Variants in GPC6 observed in about 807,000 individuals in gnomAD.
The protein encoded by GPC6 is glypican 6.
In GPC6, 14 loss-of-function variants were observed where a neutral mutation model predicts 55.2. The observed-to-expected ratio is 0.25, with a 90% CI of 0.17 to 0.40. The LOEUF (loss-of-function observed/expected upper bound fraction) is 0.40, where lower values mean the gene tolerates loss of function less well. GPC6 is among the 10% of genes least tolerant of loss of function. GPC6 has a pLI of 1.00. For missense variants in GPC6, 641 were observed against 708.5 expected (o/e 0.90, Z 1.08); for synonymous variants, 278 against 259.6 (o/e 1.07, Z -0.68).
At chr13:93,709,686 T>C (rs965348321) in intron 2 of GPC6, among the ~76,000 whole-genome samples, 7 of 151,762 alleles carry the variant, frequency 4.6e-5, no homozygotes, top group African/African-American at 1.7e-4. Flanking sequence ...TTCATCATTA[T>C]TGGAAAAAAT....
At chr13:93,740,321 A>G (rs1382734869) in intron 2 of GPC6, among the ~76,000 whole-genome samples, 1 of 152,242 alleles carries the variant, frequency 6.6e-6, no homozygotes, top group Non-Finnish European at 1.5e-5. Context: ...GTAATCACCT[A>G]AAGTAAACAT....
At position 93,393,281 on chromosome 13, in the gene GPC6, C is replaced by T. The variant is rs113719285; in HGVS notation, c.161-151982C>T. Reference sequence around the variant, plus strand: ...AGCCTCCTAAGTAGTTGGAATTACACGCGCCCACCACCACACCCAGCTAAT... The same window carrying T: ...AGCCTCCTAAGTAGTTGGAATTACATGCGCCCACCACCACACCCAGCTAAT... On this transcript the variant is annotated intron_variant, in intron 1 of 8. Transcript: ENST00000377047. Among the ~76,000 whole-genome samples the T allele has an allele frequency of 4.2e-3, 634 of 151,400 alleles. 6 individuals are homozygous for T. Among genetic ancestry groups the T allele is most frequent in the African/African-American group, 0.015 (600 of 41,242 alleles).
At chr13:94,161,965 CAT>C (rs1219122529) in intron 4 of GPC6, among the ~76,000 whole-genome samples, 1 of 152,090 alleles carries the variant, frequency 6.6e-6, no homozygotes, top group Admixed American at 6.6e-5. Flanking sequence ...GGAAACCACT[CAT>C]AAAACCGTCA....
intron 4 of GPC6, among the ~76,000 whole-genome samples, chr13:94,202,110 A>G (rs1235584898): frequency 1.3e-5 from 2 of 152,138 alleles, no homozygotes; most frequent in Non-Finnish European, 2.9e-5. Flanking sequence ...TTAATGTCCT[A>G]TCTTTACTCC....
intron 3 of GPC6, among the ~76,000 whole-genome samples, chr13:93,902,371 A>G (rs1446237258): frequency 6.6e-6 from 1 of 152,178 alleles, no homozygotes; most frequent in Non-Finnish European, 1.5e-5. Flanking sequence ...ACCTTTCTGT[A>G]GATAACAGGA....
rs1005473447 is a variant in GPC6, at chr13:94,406,423, T to C, written c.*3206T>C. 6.6e-6 allele frequency: 1 copy of C among 152,136 alleles called. No individual in the cohort carries two copies. Among genetic ancestry groups the C allele is most frequent in the Non-Finnish European group, 1.5e-5 (1 of 67,970 alleles). 9.4% of individuals were successfully genotyped at this position (152,136 alleles called of 1,614,324 possible). Reference sequence around the variant, plus strand: ...GAAGGCCAAGTTGGTACTTTGATTATAGCCATCGTAGAACATTAGCACTAG... The same window carrying C: ...GAAGGCCAAGTTGGTACTTTGATTACAGCCATCGTAGAACATTAGCACTAG... On this transcript the variant is annotated 3_prime_UTR_variant, in exon 9 of 9. Coordinates refer to ENST00000377047, the MANE Select transcript of GPC6 (RefSeq NM_005708.5).
the GPC6 span, among the ~76,000 whole-genome samples, chr13:93,220,475 A>G: frequency 3.3e-5 from 5 of 152,234 alleles, no homozygotes; most frequent in Admixed American, 6.5e-5. Flanking sequence ...ACGATCTTTT[A>G]TTAACTACAA....
At position 93,597,238 on chromosome 13, in the gene GPC6, C is replaced by T. The variant is rs182730872; in HGVS notation, c.319+51817C>T. Among the ~76,000 whole-genome samples the T allele has an allele frequency of 2.0e-5, 3 of 152,206 alleles. No individual in the cohort carries two copies. The East Asian group carries it at 5.8e-4, about 29-fold the overall frequency. Reference sequence around the variant, plus strand: ...AATAATGTTGGATCAAAGGCATAGGCACACTATGTCCTAATCAAGTTGACA... The same window carrying T: ...AATAATGTTGGATCAAAGGCATAGGTACACTATGTCCTAATCAAGTTGACA... On this transcript the variant is annotated intron_variant, in intron 2 of 8. Transcript: ENST00000377047.
intron 1 of GPC6, among the ~76,000 whole-genome samples, chr13:93,388,732 C>G (rs1875501328): frequency 6.6e-6 from 1 of 152,170 alleles, no homozygotes; most frequent in Non-Finnish European, 1.5e-5. Flanking sequence ...CACCATTGCT[C>G]TTATCAAAAC....
chr13:94,134,134 A>T (rs1205905805), intron 4 of GPC6, among the ~76,000 whole-genome samples: 4 of 152,208 alleles, frequency 2.6e-5, no homozygotes, highest in Non-Finnish European at 5.9e-5. Context: ...CATTATCATA[A>T]AGGCAGTGAC....
chr13:93,500,671 T>C (rs1880487699), intron 1 of GPC6, among the ~76,000 whole-genome samples: 3 of 152,222 alleles, frequency 2.0e-5, no homozygotes, highest in African/African-American at 7.2e-5. Context: ...TAAACAGCTC[T>C]GTTTAAATAT....
At chr13:93,632,124 A>G (rs1488754106) in intron 2 of GPC6, among the ~76,000 whole-genome samples, 1 of 152,216 alleles carries the variant, frequency 6.6e-6, no homozygotes, top group African/African-American at 2.4e-5. Context: ...GAAAGAAGGT[A>G]TTATAAAGTT....
intron 2 of GPC6, among the ~76,000 whole-genome samples, chr13:93,546,968 C>A (rs1158068715): frequency 8.1e-6 from 1 of 123,804 alleles, no homozygotes; most frequent in African/African-American, 2.5e-5. Context: ...TATTCTTTAA[C>A]AAAAAAATAT....
At chr13:93,589,713 T>A (rs1877373811) in intron 2 of GPC6, among the ~76,000 whole-genome samples, 1 of 152,214 alleles carries the variant, frequency 6.6e-6, no homozygotes, top group Non-Finnish European at 1.5e-5. Context: ...TTTGACCCTT[T>A]GATTAGTAAA....
chr13:93,409,703 T>TC (rs1201004174), intron 1 of GPC6, among the ~76,000 whole-genome samples: 4 of 152,228 alleles, frequency 2.6e-5, no homozygotes, highest in Non-Finnish European at 5.9e-5. Context: ...TTGAGCTTTT[T>TC]CTGTGTGTCA....
chr13:94,126,304 G>A (rs1193722242), intron 4 of GPC6, among the ~76,000 whole-genome samples: 1 of 152,154 alleles, frequency 6.6e-6, no homozygotes, highest in Admixed American at 6.6e-5. Context: ...AATCACTTGA[G>A]CTTAGGAGTT....
At chr13:93,253,063 A>C (rs1156770400) in intron 1 of GPC6, among the ~76,000 whole-genome samples, 1 of 152,202 alleles carries the variant, frequency 6.6e-6, no homozygotes, top group Non-Finnish European at 1.5e-5. Flanking sequence ...GCTCTGTTTT[A>C]TATAGGTATA....
At position 93,960,815 on chromosome 13, in the gene GPC6, CT is replaced by C. The variant is rs58063943; in HGVS notation, c.712-66899del. 8.5e-3 allele frequency among the ~76,000 whole-genome samples: 1,040 copies of C among 122,152 alleles called. 5 individuals are homozygous for C. The highest frequency in any genetic ancestry group is 0.012 in the Middle Eastern group (3 of 248). 80.1% of individuals were successfully genotyped at this position (122,152 alleles called of 152,430 possible). On this transcript the variant is annotated intron_variant, in intron 3 of 8. Coordinates refer to ENST00000377047, the MANE Select transcript of GPC6 (RefSeq NM_005708.5). ...TTATTGCTGGAATTTTTTTTTTTTT[CT>C]TTTTTTTTTTTTTTGAGACAGAGTC... is the stretch of plus-strand genomic sequence containing the variant.
intron 3 of GPC6, among the ~76,000 whole-genome samples, chr13:93,946,541 T>TA (rs2140368554): frequency 6.6e-6 from 1 of 152,352 alleles, no homozygotes; most frequent in East Asian, 1.9e-4. Context: ...ACAATTGGTA[T>TA]AAACAAGTGG....
Sources: gnomAD v4.1 joint callset for allele counts (sites outside exome capture counted in the v4.1 genomes callset) on GRCh38, gnomAD v4.1.1 for gene constraint, MANE v1.5 for transcripts, NCBI Gene and HGNC (gene_info 2026-07-23, HGNC 2026-07-21) for gene names.